BTBD1: variants seen among roughly 807,000 people sequenced by gnomAD.
The protein encoded by BTBD1 is BTB domain containing 1, also known as BTB/POZ domain-containing protein 1.
A neutral mutation model predicts 48.0 loss-of-function variants in BTBD1; 34 were observed. The observed-to-expected ratio is 0.71, with a 90% confidence interval of 0.54 to 0.94. The LOEUF (loss-of-function observed/expected upper bound fraction) is 0.94. Ranked by LOEUF, BTBD1 falls within the 40% of genes least tolerant of loss-of-function variation. The probability of loss-of-function intolerance (pLI) is 0.00; values close to 1 mark genes in which losing one functional copy is unlikely to be tolerated. For missense variants in BTBD1, 543 were observed against 625.6 expected (o/e 0.87, Z 1.41); for synonymous variants, 261 against 242.1 (o/e 1.08, Z -0.72).
chr15:83,066,836 C>A lies in BTBD1; in HGVS notation c.316G>T (p.Ala106Ser). ...GTGGCCATGCCGCCGTTGAACATGGCGTCAAAGACGGCGCTGCCGGCCGCC... is the reference window on the plus strand; with the variant it reads ...GTGGCCATGCCGCCGTTGAACATGGAGTCAAAGACGGCGCTGCCGGCCGCC... The part of the protein sequence containing the change: ...VLAAGSAVFD[A>S]MFNGGMATTS... Residue 106 changes from alanine to serine, a missense_variant, in exon 1 of 8, where the codon GCC (alanine) becomes TCC (serine). Around this residue, in one of 3 missense-constraint regions of BTBD1, gnomAD observed 173 missense variants for 163.9 expected, o/e 1.06. Transcript: ENST00000261721. 2.1e-6 allele frequency: 3 copies of A among 1,446,418 alleles called. No homozygotes were observed. Among genetic ancestry groups the A allele is most frequent in the South Asian group, 2.9e-5 (2 of 69,320 alleles). 89.6% of individuals were successfully genotyped at this position (1,446,418 alleles called of 1,614,324 possible).
At chr15:83,056,681 A>G (rs910510102) in intron 1 of BTBD1, 136 bp from the exon 2 acceptor site, 12 of 496,716 alleles carry the variant, frequency 2.4e-5, no homozygotes, top group African/African-American at 1.9e-4. Context: ...CCACCCACCC[A>G]CCCACCCAGC....
chr15:83,056,299 C>G (rs1731297386), intron 2 of BTBD1, 90 bp downstream of exon 2: 2 of 774,572 alleles, frequency 2.6e-6, no homozygotes, highest in Non-Finnish European at 2.0e-6. Context: ...AAATTATAAT[C>G]TAGAATTCTC....
chr15:83,034,697 TA>T (rs370239708), intron 4 of BTBD1, among the ~76,000 whole-genome samples: 22 of 150,430 alleles, frequency 1.5e-4, no homozygotes, highest in Admixed American at 2.7e-4. Flanking sequence ...AAATTCAATA[TA>T]AAAAAAAATC....
chr15:83,061,160 T>G (rs967548531), intron 1 of BTBD1, among the ~76,000 whole-genome samples: 1 of 152,222 alleles, frequency 6.6e-6, no homozygotes, highest in Non-Finnish European at 1.5e-5. Flanking sequence ...TGGTATAGAC[T>G]ATTGCTTCAG....
At chr15:83,050,555 G>A (rs960924718) in intron 2 of BTBD1, among the ~76,000 whole-genome samples, 2 of 151,828 alleles carry the variant, frequency 1.3e-5, no homozygotes, top group African/African-American at 4.8e-5. Flanking sequence ...ATTTTCAGAG[G>A]TTTGGAGAGG....
chr15:83,030,088 G>T, intron 5 of BTBD1, 48 bp downstream of exon 5: 1 of 1,531,146 alleles, frequency 6.5e-7, no homozygotes, highest in Non-Finnish European at 9.0e-7. Flanking sequence ...AGGCCAAATG[G>T]TAACTGCTAC....
At chr15:83,057,858 A>C (rs1216047452) in intron 1 of BTBD1, among the ~76,000 whole-genome samples, 1 of 152,210 alleles carries the variant, frequency 6.6e-6, no homozygotes, top group Non-Finnish European at 1.5e-5. Context: ...TACTATCTCC[A>C]AAACAGAAAT....
At chr15:83,064,451 A>T (rs192047637) in intron 1 of BTBD1, among the ~76,000 whole-genome samples, 1 of 152,342 alleles carries the variant, frequency 6.6e-6, no homozygotes, top group East Asian at 1.9e-4. Context: ...CATTTCAAAC[A>T]CTCTAAAATT....
intron 1 of BTBD1, among the ~76,000 whole-genome samples, chr15:83,064,955 G>C (rs913610191): frequency 6.6e-6 from 1 of 152,120 alleles, no homozygotes; most frequent in Admixed American, 6.6e-5. Flanking sequence ...CACTACTCCA[G>C]GTGACTTTGC....
At chr15:83,063,269 A>T (rs2033204579) in intron 1 of BTBD1, among the ~76,000 whole-genome samples, 1 of 152,112 alleles carries the variant, frequency 6.6e-6, no homozygotes, top group African/African-American at 2.4e-5. Context: ...TTCCTAGGTA[A>T]TCTCACTTGA....
In BTBD1 at chr15:83,067,153, C is replaced by T. The variant is rs1175941016; in HGVS notation, c.-2G>A. 5 of 1,421,960 alleles carry T rather than the reference C, an allele frequency of 3.5e-6. No homozygotes were observed. Among genetic ancestry groups the T allele is most frequent in the Non-Finnish European group, 4.6e-6 (5 of 1,093,416 alleles). 88.1% of individuals were successfully genotyped at this position (1,421,960 alleles called of 1,614,324 possible). On this transcript the variant is annotated 5_prime_UTR_variant, in exon 1 of 8. Transcript: ENST00000261721. Reference sequence around the variant, plus strand: ...TGCGGCAGGCCCGAGTGAGGCCATCCTCCAGCTGCGCGGTTGCCCACGTTA... The same window carrying T: ...TGCGGCAGGCCCGAGTGAGGCCATCTTCCAGCTGCGCGGTTGCCCACGTTA...
chr15:83,063,088 CT>C (rs1382896720), intron 1 of BTBD1, among the ~76,000 whole-genome samples: 1 of 152,204 alleles, frequency 6.6e-6, no homozygotes, highest in African/African-American at 2.4e-5. Context: ...CCCACTTCTT[CT>C]TTCTTGAAAT....
chr15:83,029,682 G>T (rs1342608105), intron 5 of BTBD1: 2 of 159,676 alleles, frequency 1.3e-5, no homozygotes, highest in African/African-American at 4.8e-5. Flanking sequence ...GACCAGCCTG[G>T]ACAACATGGT....
intron 5 of BTBD1, among the ~76,000 whole-genome samples, chr15:83,023,562 TATTTGTAGATGCGGG>T (rs1364052156): frequency 2.6e-5 from 4 of 152,000 alleles, no homozygotes; most frequent in Non-Finnish European, 5.9e-5. Context: ...TAAAAATTAT[TATTTGTAGATGCGGG>T]GTCTCACTAT....
intron 2 of BTBD1, among the ~76,000 whole-genome samples, chr15:83,051,012 T>C (rs1039223355): frequency 6.7e-6 from 1 of 150,260 alleles, no homozygotes; most frequent in African/African-American, 2.5e-5. Context: ...TCAATACATA[T>C]GTTATAACCC....
intron 4 of BTBD1, among the ~76,000 whole-genome samples, chr15:83,035,976 T>C (rs1319071992): frequency 1.3e-5 from 2 of 150,996 alleles, no homozygotes; most frequent in Non-Finnish European, 2.9e-5. Context: ...TCCAGTAATA[T>C]ATAAAAAGGA....
At chr15:83,035,208 C>A (rs1010465058) in intron 4 of BTBD1, among the ~76,000 whole-genome samples, 3 of 151,988 alleles carry the variant, frequency 2.0e-5, no homozygotes, top group Non-Finnish European at 4.4e-5. Flanking sequence ...GCAGGAGAAT[C>A]GTTGGACCCC....
Position 83,019,726 on chromosome 15 carries a change from C to G in BTBD1, c.1144-873G>C, listed in dbSNP as rs1327761640. The stretch of plus-strand genomic sequence containing the variant: ...TCTCCTATCTCAGCCTCCCGAGTAG[C>G]TGGGATTACAGGCATGCACCACCAT... On this transcript the variant is annotated intron_variant, in intron 6 of 7. Transcript: ENST00000261721. 5.9e-5 allele frequency among the ~76,000 whole-genome samples: 9 copies of G among 151,390 alleles called. No individual in the cohort carries two copies. The East Asian group carries it at 1.4e-3, about 23-fold the overall frequency.
chr15:83,067,152 C>G lies in BTBD1; in HGVS notation c.-1G>C. ...CTGCGGCAGGCCCGAGTGAGGCCAT[C>G]CTCCAGCTGCGCGGTTGCCCACGTT... On this transcript the variant is annotated 5_prime_UTR_variant, in exon 1 of 8. Transcript: ENST00000261721. 4 of 1,421,732 alleles carry G rather than the reference C, an allele frequency of 2.8e-6. No individual in the cohort carries two copies. Among genetic ancestry groups the G allele is most frequent in the South Asian group, 1.6e-5 (1 of 63,220 alleles). The allele number at this position is 1,421,732 out of a possible 1,614,324, so 88.1% of individuals were successfully genotyped here.
Sources: gnomAD v4.1 joint callset for allele counts (sites outside exome capture counted in the v4.1 genomes callset) on GRCh38, gnomAD v4.1.1 for gene constraint, gnomAD v4.1.1 regional missense constraint, MANE v1.5 for transcripts, NCBI Gene and HGNC (gene_info 2026-07-23, HGNC 2026-07-21) for gene names.